NDRG4: variants seen among roughly 807,000 people sequenced by gnomAD.
NDRG4 encodes the protein NDRG family member 4, also known as protein NDRG4.
In NDRG4, 38 loss-of-function variants were observed where a neutral mutation model predicts 55.8. The observed-to-expected ratio is 0.68, with a 90% confidence interval of 0.53 to 0.89. The LOEUF is 0.89. Among genes scored for constraint, NDRG4 ranks in the 40% least tolerant of loss-of-function variants. NDRG4 has a pLI of 0.00. For synonymous variants in NDRG4, 190 were observed against 182.7 expected (o/e 1.04, Z -0.32); for missense variants, 455 against 468.6 (o/e 0.97, Z 0.27).
chr16:58,468,061 G>T (rs528204452), intron 1 of NDRG4, among the ~76,000 whole-genome samples: 1 of 152,198 alleles, frequency 6.6e-6, no homozygotes. Flanking sequence ...ATGGCCTCAG[G>T]GGGTGGGGCC....
At chr16:58,510,900 T>A in intron 14 of NDRG4, 1 of 598,770 alleles carries the variant, frequency 1.7e-6, no homozygotes, top group Admixed American at 2.9e-5. Context: ...TAGGTTGTCA[T>A]GAGCTGCGTG....
chr16:58,503,722 G>C (rs2037461469), intron 1 of NDRG4, 76 bp from the exon 2 acceptor site: 1 of 1,594,988 alleles, frequency 6.3e-7, no homozygotes, highest in African/African-American at 1.3e-5. Context: ...CAGGTACCAG[G>C]CTGCGTCACC....
intron 2 of NDRG4, among the ~76,000 whole-genome samples, chr16:58,490,774 C>T (rs191223121): frequency 8.5e-5 from 13 of 152,270 alleles, no homozygotes; most frequent in African/African-American, 2.9e-4. Flanking sequence ...ATCCGGAGTT[C>T]AAGACCAGCC....
rs143713787 is a variant in NDRG4 at position 58,483,075 on chromosome 16, C to T, written c.-23-4681C>T. Among the ~76,000 whole-genome samples, 45 of 152,214 alleles carry T rather than the reference C, an allele frequency of 3.0e-4. No individual in the cohort carries two copies. In the East Asian group the frequency reaches 8.3e-3, roughly 28 times the overall value. ...TGCTGGGATTACAGGTGTGAGCCAC[C>T]GTGCCCAGCCCCCCAGTGTATTTTC... On this transcript the variant is annotated intron_variant, in intron 1 of 15. Coordinates refer to the NDRG4 transcript ENST00000258187.
chr16:58,501,093 T>G (rs568147848), intron 1 of NDRG4: 1 of 1,232,926 alleles, frequency 8.1e-7, no homozygotes, highest in East Asian at 3.2e-5. Flanking sequence ...CCGGCCCCAT[T>G]CTTCCTCAGG....
chr16:58,503,676 A>G, intron 1 of NDRG4, 122 bp from the exon 2 acceptor site: 1 of 1,543,146 alleles, frequency 6.5e-7, no homozygotes, highest in Non-Finnish European at 8.7e-7. Context: ...TGATGAGAAC[A>G]GGATGCCCCA....
chr16:58,502,749 C>A (rs2037324589), intron 1 of NDRG4, among the ~76,000 whole-genome samples: 1 of 152,210 alleles, frequency 6.6e-6, no homozygotes, highest in Non-Finnish European at 1.5e-5. Flanking sequence ...TCCTTGACCC[C>A]AGCCCCACCT....
At chr16:58,487,186 C>T (rs8044982) in intron 1 of NDRG4, among the ~76,000 whole-genome samples, 109,101 of 152,112 alleles carry the variant, frequency 0.72, 39,325 homozygotes, top group South Asian at 0.79. Flanking sequence ...GGAATCATGA[C>T]GTTGCTTTTC....
At chr16:58,500,068 A>C, upstream of NDRG4, 1 of 1,470,290 alleles carries the variant, frequency 6.8e-7, no homozygotes, top group Non-Finnish European at 9.0e-7. Context: ...GCTGCTCAGA[A>C]ACCCTGCGGG....
intron 1 of NDRG4, 147 bp from the exon 2 acceptor site, chr16:58,503,651 G>A (rs2037451277): frequency 1.3e-6 from 2 of 1,493,986 alleles, no homozygotes; most frequent in Admixed American, 2.0e-5. Context: ...AGTCCTCTCT[G>A]GGGGCTTCTT....
At chr16:58,468,334 T>A (rs183739533) in intron 1 of NDRG4, among the ~76,000 whole-genome samples, 11 of 152,310 alleles carry the variant, frequency 7.2e-5, no homozygotes, top group African/African-American at 2.4e-4. Flanking sequence ...GGATGTGAAT[T>A]TCGGGGTCTC....
intron 1 of NDRG4, among the ~76,000 whole-genome samples, chr16:58,477,705 T>C (rs1181751632): frequency 1.3e-5 from 2 of 151,814 alleles, no homozygotes; most frequent in Non-Finnish European, 2.9e-5. Flanking sequence ...AAAATTATCA[T>C]TAGGCAACCA....
chr16:58,485,365 C>G (rs1292182668), intron 1 of NDRG4, among the ~76,000 whole-genome samples: 1 of 152,186 alleles, frequency 6.6e-6, no homozygotes, highest in African/African-American at 2.4e-5. Context: ...CCACCACCTC[C>G]GTCACAGGCC....
upstream of NDRG4, chr16:58,495,156 GC>G (rs1167441384): frequency 3.1e-5 from 23 of 745,002 alleles, no homozygotes; most frequent in East Asian, 5.2e-4. Flanking sequence ...AACTGGCCCT[GC>G]TTCTGCGAGC....
At chr16:58,480,707 G>T (rs537129671) in intron 1 of NDRG4, among the ~76,000 whole-genome samples, 6 of 152,300 alleles carry the variant, frequency 3.9e-5, no homozygotes, top group Admixed American at 3.9e-4. Context: ...CTCTGATAGG[G>T]TTGGACAAAT....
At position 58,503,821 on chromosome 16, in the gene NDRG4, C is replaced by T. The variant is rs200016245; in HGVS notation, c.45C>T (p.Tyr15=). ...AGGAACATGACATCGAGACACCCTACGGCCTTCTGCATGTAGTGATCCGGG... is the reference window on the plus strand; with the variant it reads ...AGGAACATGACATCGAGACACCCTATGGCCTTCTGCATGTAGTGATCCGGG... ...WDGEHDIETP[Y]GLLHVVIRGS... Residue 15 remains tyrosine, a synonymous_variant, in exon 2 of 15, where the codon TAC becomes TAT. Coordinates refer to ENST00000570248, the MANE Select transcript of NDRG4 (RefSeq NM_001242835.2). The T allele has an allele frequency of 1.3e-4, 214 of 1,613,954 alleles. No homozygotes were observed. The highest frequency in any genetic ancestry group is 3.3e-4 in the Middle Eastern group (2 of 6,062).
At position 58,511,434 on chromosome 16, in the gene NDRG4, G is replaced by C; in HGVS notation, c.917G>C (p.Ser306Thr). The C allele has an allele frequency of 6.2e-7, 1 of 1,606,896 alleles. No individual in the cohort carries two copies. ...RLSGGAVPSASMTRLARSRTA... is the reference protein window; with the variant it reads ...RLSGGAVPSATMTRLARSRTA... ...TCTCTGTCCACAGTGCCCTCAGCCA[G>C]CATGACCCGCCTGGCACGCTCCCGC... The change falls in exon 15 of 15, where the codon AGC becomes ACC. Residue 306 changes from serine to threonine, a missense_variant. By Grantham distance (58) the Ser-to-Thr change is moderately conservative (BLOSUM62 1). Coordinates refer to ENST00000570248, the MANE Select transcript of NDRG4 (RefSeq NM_001242835.2).
rs912276301 is a variant in NDRG4, at chr16:58,511,521, C to G, written c.1004C>G (p.Ser335Ter). 1 of 1,612,916 alleles carries G rather than the reference C, an allele frequency of 6.2e-7. No individual in the cohort carries two copies. The highest frequency in any genetic ancestry group is 8.5e-7 in the Non-Finnish European group (1 of 1,179,980). Residue 335 changes from serine (S) to a stop codon, truncating the protein, a stop_gained, in exon 15 of 15, where the codon TCA becomes TGA. Coordinates refer to ENST00000570248, the MANE Select transcript of NDRG4 (RefSeq NM_001242835.2). LOFTEE classifies it high-confidence loss of function. Reference protein sequence around the residue: ...DGSRPQACTHSESSEGLGQVN... With the variant: ...DGSRPQACTH Reference sequence around the variant, plus strand: ...AGCCGCCCACAGGCCTGCACCCACTCAGAGAGCAGCGAGGGGCTGGGCCAG... The same window carrying G: ...AGCCGCCCACAGGCCTGCACCCACTGAGAGAGCAGCGAGGGGCTGGGCCAG...
rs762624308 is a variant in NDRG4, at chr16:58,503,806, C to G, written c.30C>G (p.Asp10Glu). 6 of 1,613,960 alleles carry G rather than the reference C, an allele frequency of 3.7e-6. No individual in the cohort carries two copies. Among genetic ancestry groups the G allele is most frequent in the Non-Finnish European group, 5.1e-6 (6 of 1,179,988 alleles). The change falls in exon 2 of 15, where the codon GAC becomes GAG. Residue 10 changes from aspartate (D) to glutamate (E), a missense_variant. Coordinates refer to ENST00000570248, the MANE Select transcript of NDRG4 (RefSeq NM_001242835.2). ...CGGTCTCTCCCCTTCAGGAACATGACATCGAGACACCCTACGGCCTTCTGC... is the reference window on the plus strand; with the variant it reads ...CGGTCTCTCCCCTTCAGGAACATGAGATCGAGACACCCTACGGCCTTCTGC... MPECWDGEH[D>E]IETPYGLLHV... is the part of the protein sequence containing the mutation.
Sources: gnomAD v4.1 joint callset for allele counts (sites outside exome capture counted in the v4.1 genomes callset) on GRCh38, gnomAD v4.1.1 for gene constraint, MANE v1.5 for transcripts, NCBI Gene and HGNC (gene_info 2026-07-23, HGNC 2026-07-21) for gene names.